ELP1: variants seen among roughly 807,000 people sequenced by gnomAD.
ELP1 encodes the protein elongator acetyltransferase complex subunit 1.
In ELP1, 131 loss-of-function variants were observed where a neutral mutation model predicts 183.2. The observed-to-expected ratio is 0.72, with a 90% CI of 0.62 to 0.83. The LOEUF (loss-of-function observed/expected upper bound fraction) is 0.83. ELP1 is among the 40% of genes least tolerant of loss of function. The pLI is 0.00. For missense variants in ELP1, 1,550 were observed against 1,594.9 expected (o/e 0.97, Z 0.48); for synonymous variants, 555 against 569.0 (o/e 0.98, Z 0.35).
At chr9:108,882,712 G>A (rs1407786174) in intron 29 of ELP1, among the ~76,000 whole-genome samples, 5 of 150,556 alleles carry the variant, frequency 3.3e-5, no homozygotes, top group East Asian at 2.0e-4. Flanking sequence ...CTCCTGCCTC[G>A]GTCTCCCATG....
intron 1 of ELP1, among the ~76,000 whole-genome samples, chr9:108,932,629 A>C (rs1830035996): frequency 6.6e-6 from 1 of 152,136 alleles, no homozygotes; most frequent in African/African-American, 2.4e-5. Context: ...GGCCTGAGCC[A>C]CCGTGCCTGG....
At chr9:108,899,467 C>T (rs1828687441) in intron 20 of ELP1, among the ~76,000 whole-genome samples, 1 of 152,100 alleles carries the variant, frequency 6.6e-6, no homozygotes, top group African/African-American at 2.4e-5. Flanking sequence ...CGCTGTAAAT[C>T]TATTGAAAGC....
intron 4 of ELP1, among the ~76,000 whole-genome samples, chr9:108,927,110 A>G (rs1829846218): frequency 6.6e-6 from 1 of 152,186 alleles, no homozygotes; most frequent in Admixed American, 6.5e-5. Flanking sequence ...TCTTACTCCC[A>G]AAGACTTAAA....
At chr9:108,919,803 C>A (rs1050266594) in intron 6 of ELP1, among the ~76,000 whole-genome samples, 1 of 152,150 alleles carries the variant, frequency 6.6e-6, no homozygotes, top group Non-Finnish European at 1.5e-5. Flanking sequence ...GTGGTAAAGG[C>A]AGCAGCAGAC....
At chr9:108,912,607 G>A (rs1249178129) in intron 10 of ELP1, 113 bp from the exon 11 acceptor site, 10 of 745,146 alleles carry the variant, frequency 1.3e-5, no homozygotes, top group Non-Finnish European at 2.4e-5. Context: ...TTCCTGCTCA[G>A]CCTCGTCTCT....
In ELP1 at chr9:108,880,095, C is replaced by G. The variant is rs202080366; in HGVS notation, c.3417G>C (p.Leu1139Phe). 2.0e-4 allele frequency: 319 copies of G among 1,614,036 alleles called. No individual in the cohort carries two copies. Among genetic ancestry groups the G allele is most frequent in the Non-Finnish European group, 2.3e-4 (267 of 1,179,994 alleles). ...ATFSRHKKRL[L>F]VVRELKEQAQ... ...CTTGCTCCTTGAGCTCTCGAACTAC[C>G]AATAAACGTTTCTTGTGGCGACTGA... Residue 1139 changes from leucine to phenylalanine, a missense_variant, in exon 32 of 37, where the codon TTG (leucine) becomes TTC (phenylalanine). Transcript: ENST00000374647.
intron 13 of ELP1, 86 bp downstream of exon 13, chr9:108,908,219 G>T: frequency 2.1e-6 from 2 of 949,136 alleles, no homozygotes; most frequent in Non-Finnish European, 3.4e-6. Flanking sequence ...TCAGCAACAG[G>T]CATAGAACTG....
intron 1 of ELP1, among the ~76,000 whole-genome samples, chr9:108,933,448 C>G (rs746533504): frequency 6.6e-6 from 1 of 152,180 alleles, no homozygotes; most frequent in Non-Finnish European, 1.5e-5. Context: ...GAGAAAGCCA[C>G]GTAAAACACC....
At position 108,910,154 on chromosome 9, in the gene ELP1, T is replaced by C. The variant is rs548511324; in HGVS notation, c.1360+856A>G. Among the ~76,000 whole-genome samples, 10 of 152,244 alleles carry C rather than the reference T, an allele frequency of 6.6e-5. No individual in the cohort carries two copies. The South Asian group carries it at 2.1e-3, about 32-fold the overall frequency. On this transcript the variant is annotated intron_variant, in intron 12 of 36. Coordinates refer to ENST00000374647, the MANE Select transcript of ELP1 (RefSeq NM_003640.5). ...CTTTTTGCCTTGACAATGAACATAT[T>C]TGCACTTTTTTTTAAAGCTATTTTG...
At chr9:108,906,648 A>T (rs1467659479) in intron 13 of ELP1, among the ~76,000 whole-genome samples, 163 bp from the exon 14 acceptor site, 2 of 152,210 alleles carry the variant, frequency 1.3e-5, no homozygotes, top group Non-Finnish European at 2.9e-5. Context: ...ATCTAAAATT[A>T]ATCTTTGTCT....
intron 12 of ELP1, among the ~76,000 whole-genome samples, chr9:108,908,619 G>C (rs1038468799): frequency 3.3e-5 from 5 of 152,186 alleles, no homozygotes; most frequent in African/African-American, 1.2e-4. Context: ...ACCAGGTGAA[G>C]GGGCTACCCT....
chr9:108,910,433 T>C (rs1405600284), intron 12 of ELP1, among the ~76,000 whole-genome samples: 1 of 152,240 alleles, frequency 6.6e-6, no homozygotes, highest in Admixed American at 6.5e-5. Context: ...GCAGAATTTA[T>C]GACATAACCA....
chr9:108,920,664 TA>T (rs1350589434), intron 6 of ELP1, among the ~76,000 whole-genome samples: 1 of 151,572 alleles, frequency 6.6e-6, no homozygotes, highest in South Asian at 2.1e-4. Context: ...TAACACAACT[TA>T]AAAAATCAAA....
Position 108,880,103 on chromosome 9 carries a change from GT to G in ELP1, c.3408del (p.Lys1136AsnfsTer5), listed in dbSNP as rs1564072540. On this transcript the variant is annotated frameshift_variant, in exon 32 of 37. Coordinates refer to ENST00000374647, the MANE Select transcript of ELP1 (RefSeq NM_003640.5). LOFTEE classifies it high-confidence loss of function. ...TTGAGCTCTCGAACTACCAATAAAC[GT>G]TTCTTGTGGCGACTGAATGTGGCTG... Reference protein sequence around the residue: ...SQTATFSRHKKRLLVVRELKE... With the variant: ...SQTATFSRHKXRLLVVRELKE... 5.6e-6 allele frequency: 9 copies of G among 1,614,134 alleles called. No homozygotes were observed. The highest frequency in any genetic ancestry group is 7.6e-6 in the Non-Finnish European group (9 of 1,180,000).
chr9:108,883,638 C>T (rs1587876754), intron 29 of ELP1, among the ~76,000 whole-genome samples: 1 of 150,324 alleles, frequency 6.7e-6, no homozygotes, highest in Non-Finnish European at 1.5e-5. Flanking sequence ...AAAGCAAAAG[C>T]AATAACAAAG....
rs1827653033 is a variant in ELP1, at chr9:108,875,040, A to C, written c.3856-70T>G. Reference sequence around the variant, plus strand: ...CTCAAGACTGCCAATACCAAAGGCCAAATCCCTACCCCCAGAAAACAGCCT... The same window carrying C: ...CTCAAGACTGCCAATACCAAAGGCCCAATCCCTACCCCCAGAAAACAGCCT... On this transcript the variant is annotated intron_variant, in intron 35 of 36. Transcript: ENST00000374647. 3 of 1,015,816 alleles carry C rather than the reference A, an allele frequency of 3.0e-6. No homozygotes were observed. The East Asian group carries it at 7.1e-5, about 24-fold the overall frequency. The allele number at this position is 1,015,816 out of a possible 1,614,324, so 62.9% of individuals were successfully genotyped here. A position where few individuals can be genotyped will look rare whatever the true frequency, so the allele number is the denominator to read the frequency against.
At chr9:108,904,369 C>T (rs1410389917) in intron 14 of ELP1, among the ~76,000 whole-genome samples, 4 of 151,278 alleles carry the variant, frequency 2.6e-5, no homozygotes, top group Non-Finnish European at 5.9e-5. Flanking sequence ...CTCACCTTCT[C>T]AAGTAGCTTG....
chr9:108,894,480 C>T (rs1250845793), intron 25 of ELP1, among the ~76,000 whole-genome samples: 1 of 152,194 alleles, frequency 6.6e-6, no homozygotes, highest in East Asian at 1.9e-4. Flanking sequence ...AGTTCAAACT[C>T]GCACAGTTGA....
chr9:108,909,168 C>G (rs1181282501), intron 12 of ELP1, among the ~76,000 whole-genome samples: 3 of 152,056 alleles, frequency 2.0e-5, no homozygotes, highest in Non-Finnish European at 4.4e-5. Context: ...AAGACACCTT[C>G]CCCCTGTAAA....
Sources: allele counts gnomAD v4.1 joint callset (sites outside exome capture counted in the v4.1 genomes callset), GRCh38; gene constraint gnomAD v4.1.1; transcripts MANE v1.5; gene names NCBI Gene and HGNC (gene_info 2026-07-23, HGNC 2026-07-21).